CSGALNACT1: variants seen among roughly 807,000 people sequenced by gnomAD.
CSGALNACT1 encodes the protein chondroitin sulfate N-acetylgalactosaminyltransferase 1, also known as beta4GalNAcT-1.
CSGALNACT1 carries 52 observed loss-of-function variants against 51.0 expected under a neutral mutation model. The observed-to-expected ratio is 1.02, with a 90% CI of 0.82 to 1.29. The LOEUF is 1.29. Ranked by LOEUF, CSGALNACT1 falls within the 50% of genes most tolerant of loss-of-function variation. The pLI, the probability that CSGALNACT1 is intolerant of heterozygous loss-of-function variation, is 0.00. For missense variants in CSGALNACT1, 935 were observed against 679.2 expected, an observed-to-expected ratio of 1.38 and a Z score of -4.19; for synonymous variants, 341 against 254.4, an observed-to-expected ratio of 1.34 and a Z score of -3.24.
chr8:19,636,913 C>T (rs2056144184), intron 1 of CSGALNACT1, among the ~76,000 whole-genome samples: 1 of 151,972 alleles, frequency 6.6e-6, no homozygotes, highest in African/African-American at 2.4e-5. Context: ...CTTAAGGAGG[C>T]CAGGCATGGT....
At chr8:19,549,108 A>C (rs150007549) in intron 3 of CSGALNACT1, among the ~76,000 whole-genome samples, 1 of 148,980 alleles carries the variant, frequency 6.7e-6, no homozygotes, top group East Asian at 2.0e-4. Context: ...TAAGCCAGCA[A>C]GACTAGCTGC....
At chr8:19,432,805 T>C (rs964399546) in intron 6 of CSGALNACT1, among the ~76,000 whole-genome samples, 2 of 152,210 alleles carry the variant, frequency 1.3e-5, no homozygotes, top group African/African-American at 2.4e-5. Flanking sequence ...TCCTTGTTGA[T>C]ATTCTGTATT....
At chr8:19,410,244 G>A (rs1447889349) in intron 8 of CSGALNACT1, among the ~76,000 whole-genome samples, 1 of 152,182 alleles carries the variant, frequency 6.6e-6, no homozygotes, top group Non-Finnish European at 1.5e-5. Flanking sequence ...CTACTTCAGA[G>A]TACGGGACCG....
chr8:19,548,286 G>A (rs1296257438), intron 3 of CSGALNACT1, among the ~76,000 whole-genome samples: 1 of 152,106 alleles, frequency 6.6e-6, no homozygotes, highest in Non-Finnish European at 1.5e-5. Flanking sequence ...CACTAAAATT[G>A]CTTAATATTA....
intron 4 of CSGALNACT1, among the ~76,000 whole-genome samples, chr8:19,504,203 A>G (rs1280592440): frequency 6.6e-6 from 1 of 152,062 alleles, no homozygotes; most frequent in Non-Finnish European, 1.5e-5. Context: ...CAGCCTCCCA[A>G]GTAGCTGGGT....
At chr8:19,566,838 A>G (rs1418951414) in intron 3 of CSGALNACT1, among the ~76,000 whole-genome samples, 5 of 152,176 alleles carry the variant, frequency 3.3e-5, no homozygotes, top group African/African-American at 1.2e-4. Context: ...TCTTAGAGCA[A>G]AAGCAGCCCT....
intron 8 of CSGALNACT1, among the ~76,000 whole-genome samples, 155 bp downstream of exon 7, chr8:19,418,501 G>A (rs931270532): frequency 3.3e-5 from 5 of 152,090 alleles, no homozygotes; most frequent in South Asian, 2.1e-4. Flanking sequence ...TCAACGAGGC[G>A]CCGGGAGCAG....
intron 1 of CSGALNACT1, among the ~76,000 whole-genome samples, chr8:19,654,548 T>C (rs62494486): frequency 8.5e-5 from 13 of 152,106 alleles, no homozygotes; most frequent in African/African-American, 2.9e-4. Flanking sequence ...ATATTTAAAT[T>C]AGGTAATTAT....
At chr8:19,565,099 G>A (rs1054779815) in intron 3 of CSGALNACT1, among the ~76,000 whole-genome samples, 4 of 152,186 alleles carry the variant, frequency 2.6e-5, no homozygotes, top group Non-Finnish European at 4.4e-5. Context: ...AAGCATCCTT[G>A]CTGAAAAATA....
At chr8:19,414,698 C>G (rs1448805405) in intron 8 of CSGALNACT1, among the ~76,000 whole-genome samples, 1 of 152,142 alleles carries the variant, frequency 6.6e-6, no homozygotes, top group Non-Finnish European at 1.5e-5. Flanking sequence ...GAAGGAATAA[C>G]ATACATTGAC....
intron 4 of CSGALNACT1, among the ~76,000 whole-genome samples, chr8:19,465,846 G>A (rs1266171773): frequency 7.7e-6 from 1 of 129,470 alleles, no homozygotes; most frequent in South Asian, 2.3e-4. Flanking sequence ...GAAGGCCTGG[G>A]ATAAACCCCC....
chr8:19,487,437 G>A (rs1040867288), intron 4 of CSGALNACT1, among the ~76,000 whole-genome samples: 2 of 152,202 alleles, frequency 1.3e-5, no homozygotes, highest in African/African-American at 4.8e-5. Flanking sequence ...CGGCCCACAT[G>A]TCAACACGAT....
At chr8:19,429,872 C>T (rs1282757834) in intron 6 of CSGALNACT1, among the ~76,000 whole-genome samples, 1 of 152,196 alleles carries the variant, frequency 6.6e-6, no homozygotes, top group Non-Finnish European at 1.5e-5. Flanking sequence ...AATTTCTCTG[C>T]CTCCTCAGAG....
At chr8:19,603,437 C>T (rs1049372329), upstream of CSGALNACT1, among the ~76,000 whole-genome samples, 3 of 152,212 alleles carry the variant, frequency 2.0e-5, no homozygotes, top group Admixed American at 6.5e-5. Context: ...TCCTCTACTG[C>T]GGTGCCTGCG....
intron 3 of CSGALNACT1, among the ~76,000 whole-genome samples, chr8:19,525,835 C>T (rs2975404): frequency 1.3e-5 from 2 of 152,022 alleles, no homozygotes; most frequent in African/African-American, 2.4e-5. Flanking sequence ...GTGCCAGCTA[C>T]GTGAGGCCAG....
chr8:19,628,273 G>A (rs180723058), intron 1 of CSGALNACT1, among the ~76,000 whole-genome samples: 6 of 152,262 alleles, frequency 3.9e-5, no homozygotes, highest in East Asian at 1.9e-4. Context: ...TAATCATGGC[G>A]CAAGGCCAAG....
intron 3 of CSGALNACT1, among the ~76,000 whole-genome samples, chr8:19,560,845 C>T (rs1193001335): frequency 2.0e-5 from 3 of 152,124 alleles, no homozygotes; most frequent in Non-Finnish European, 4.4e-5. Flanking sequence ...GGAATGCAGG[C>T]ATAGGAATAT....
chr8:19,424,236 A>G (rs367629492), intron 6 of CSGALNACT1, among the ~76,000 whole-genome samples: 17 of 152,304 alleles, frequency 1.1e-4, no homozygotes, highest in African/African-American at 4.1e-4. Flanking sequence ...AGGCAGTCAC[A>G]GACACTGGAG....
At chr8:19,713,014 A>G (rs2062600048) in intron 1 of CSGALNACT1, among the ~76,000 whole-genome samples, 1 of 152,176 alleles carries the variant, frequency 6.6e-6, no homozygotes, top group South Asian at 2.1e-4. Context: ...AACAGCCTGG[A>G]ATATTCTCTC....
Sources: allele counts gnomAD v4.1 joint callset (sites outside exome capture counted in the v4.1 genomes callset), GRCh38; gene constraint gnomAD v4.1.1; transcripts MANE v1.5; gene names NCBI Gene and HGNC (gene_info 2026-07-23, HGNC 2026-07-21).